Variants in PARD3 observed in about 807,000 individuals in gnomAD.
PARD3 encodes partitioning defective 3 homolog.
Under a neutral mutation model 155.4 loss-of-function variants are expected in PARD3, and 75 were observed. The ratio of observed to expected loss-of-function variants is 0.48; its 90% CI spans 0.40 to 0.58. PARD3 has a LOEUF of 0.58. Ranked by LOEUF, PARD3 falls within the 20% of genes least tolerant of loss-of-function variation. The pLI is 0.00. For missense variants in PARD3, 1,642 were observed against 1,721.7 expected, an observed-to-expected ratio of 0.95 and a Z score of 0.82; for synonymous variants, 576 against 610.5, an observed-to-expected ratio of 0.94 and a Z score of 0.83.
chr10:34,199,556 C>T (rs1293540126), intron 22 of PARD3, among the ~76,000 whole-genome samples: 1 of 152,100 alleles, frequency 6.6e-6, no homozygotes, highest in Non-Finnish European at 1.5e-5. Flanking sequence ...TGCCCTACAG[C>T]CATGGGCGGC....
intron 22 of PARD3, among the ~76,000 whole-genome samples, chr10:34,224,184 T>C (rs545170147): frequency 1.3e-5 from 2 of 152,248 alleles, no homozygotes; most frequent in Admixed American, 1.3e-4. Context: ...CTTTAAGAGA[T>C]TGACCTAAAA....
chr10:34,437,565 A>T (rs2132616114), intron 5 of PARD3, among the ~76,000 whole-genome samples: 1 of 152,234 alleles, frequency 6.6e-6, no homozygotes, highest in Admixed American at 6.5e-5. Context: ...ATAAGAAAAA[A>T]ATTCATCTCC....
chr10:34,122,429 G>A (rs987355866), intron 23 of PARD3, among the ~76,000 whole-genome samples: 1 of 152,130 alleles, frequency 6.6e-6, no homozygotes, highest in Non-Finnish European at 1.5e-5. Context: ...GTATCTAGTT[G>A]GATCTGGATA....
At chr10:34,685,874 G>C (rs554187854) in intron 2 of PARD3, among the ~76,000 whole-genome samples, 48 of 152,226 alleles carry the variant, frequency 3.2e-4, no homozygotes, top group African/African-American at 1.1e-3. Flanking sequence ...GATTACAGAG[G>C]TGAGCCACCA....
At chr10:34,391,446 T>G (rs1842866666) in intron 7 of PARD3, among the ~76,000 whole-genome samples, 1 of 152,166 alleles carries the variant, frequency 6.6e-6, no homozygotes, top group Non-Finnish European at 1.5e-5. Context: ...CATACAGTTT[T>G]TGTTCAGACA....
At chr10:34,229,377 G>A (rs1952793368) in intron 22 of PARD3, among the ~76,000 whole-genome samples, 1 of 151,928 alleles carries the variant, frequency 6.6e-6, no homozygotes, top group Admixed American at 6.6e-5. Context: ...GTACCACTAT[G>A]CGCAGCTAAT....
intron 20 of PARD3, among the ~76,000 whole-genome samples, chr10:34,289,387 G>A (rs1410140961): frequency 2.6e-5 from 4 of 151,824 alleles, no homozygotes; most frequent in African/African-American, 4.8e-5. Flanking sequence ...GCGGGGTTTC[G>A]CCATGTTGGC....
At chr10:34,694,170 CA>C (rs552379913) in intron 2 of PARD3, among the ~76,000 whole-genome samples, 275 of 145,762 alleles carry the variant, frequency 1.9e-3, no homozygotes, top group Non-Finnish European at 3.4e-3. Flanking sequence ...AAAAAAGAAA[CA>C]AAAAAAAGAA....
At chr10:34,460,332 A>T (rs1458189813) in intron 4 of PARD3, among the ~76,000 whole-genome samples, 1 of 152,210 alleles carries the variant, frequency 6.6e-6, no homozygotes, top group African/African-American at 2.4e-5. Context: ...AATCTAACTA[A>T]AGTCGAAATA....
intron 19 of PARD3, among the ~76,000 whole-genome samples, chr10:34,325,600 C>G (rs1245838902): frequency 6.6e-6 from 1 of 152,032 alleles, no homozygotes; most frequent in African/African-American, 2.4e-5. Flanking sequence ...ATCAAGTGCT[C>G]ATTTATCCAC....
intron 11 of PARD3, among the ~76,000 whole-genome samples, 173 bp from the exon 12 acceptor site, chr10:34,372,709 A>C (rs1220989863): frequency 6.6e-6 from 1 of 152,082 alleles, no homozygotes; most frequent in Non-Finnish European, 1.5e-5. Flanking sequence ...AATTTTGCTG[A>C]TGTGTGTGTT....
intron 2 of PARD3, among the ~76,000 whole-genome samples, chr10:34,549,255 C>A (rs1356551537): frequency 6.6e-6 from 1 of 152,086 alleles, no homozygotes; most frequent in Non-Finnish European, 1.5e-5. Context: ...TTAAAGAGTA[C>A]CCACAGTACA....
intron 22 of PARD3, among the ~76,000 whole-genome samples, chr10:34,145,385 T>A (rs988102543): frequency 2.6e-5 from 4 of 151,396 alleles, no homozygotes; most frequent in African/African-American, 9.7e-5. Flanking sequence ...ATTTCTCTAA[T>A]AATCTATCCT....
intron 3 of PARD3, among the ~76,000 whole-genome samples, chr10:34,498,107 T>C (rs928104643): frequency 3.3e-5 from 5 of 152,110 alleles, no homozygotes; most frequent in African/African-American, 1.2e-4. Context: ...ACCAATAAGA[T>C]TGTAGGTAAG....
intron 2 of PARD3, among the ~76,000 whole-genome samples, chr10:34,555,101 G>A (rs1001771980): frequency 3.9e-5 from 6 of 152,136 alleles, no homozygotes; most frequent in African/African-American, 1.4e-4. Flanking sequence ...GAACCCTCAC[G>A]TCAGTTATGG....
intron 2 of PARD3, among the ~76,000 whole-genome samples, chr10:34,685,777 A>G (rs2093947014): frequency 6.6e-6 from 1 of 152,122 alleles, no homozygotes; most frequent in African/African-American, 2.4e-5. Flanking sequence ...TATTTTTAGT[A>G]GAAGCAGGGT....
intron 1 of PARD3, among the ~76,000 whole-genome samples, chr10:34,782,389 C>A (rs1377208620): frequency 6.6e-6 from 1 of 152,234 alleles, no homozygotes; most frequent in Admixed American, 6.5e-5. Context: ...TGCTCAGAGG[C>A]AGCCAGAGGT....
intron 2 of PARD3, among the ~76,000 whole-genome samples, chr10:34,656,173 A>C (rs558600197): frequency 1.4e-4 from 21 of 152,196 alleles, no homozygotes; most frequent in African/African-American, 5.1e-4. Context: ...CCCCCCATAA[A>C]CCACAAAAAT....
chr10:34,299,539 A>G (rs16935300), intron 20 of PARD3, among the ~76,000 whole-genome samples: 20,936 of 152,208 alleles, frequency 0.14, 1,683 homozygotes, highest in African/African-American at 0.22. Flanking sequence ...GAAACTGGAT[A>G]AAAATGTTGC....
Sources: allele counts gnomAD v4.1 joint callset (sites outside exome capture counted in the v4.1 genomes callset), GRCh38; gene constraint gnomAD v4.1.1; transcripts MANE v1.5; gene names NCBI Gene and HGNC (gene_info 2026-07-23, HGNC 2026-07-21).